GPR107: variants seen among roughly 807,000 people sequenced by gnomAD.
GPR107 encodes the protein protein GPR107.
GPR107 carries 31 observed loss-of-function variants against 75.5 expected under a neutral mutation model. The ratio of observed to expected loss-of-function variants is 0.41; its 90% CI spans 0.31 to 0.55. GPR107 has a LOEUF of 0.55. Among genes scored for constraint, GPR107 ranks in the 20% least tolerant of loss-of-function variants. The pLI, the probability that GPR107 is intolerant of heterozygous loss-of-function variation, is 0.26. For missense variants in GPR107, 572 were observed against 665.7 expected, an observed-to-expected ratio of 0.86 and a Z score of 1.55; for synonymous variants, 267 against 251.3, an observed-to-expected ratio of 1.06 and a Z score of -0.59.
Position 130,106,394 on chromosome 9 carries a change from C to G in GPR107, c.1263-1102C>G, listed in dbSNP as rs371197445. Among the ~76,000 whole-genome samples the G allele has an allele frequency of 3.0e-4, 45 of 151,900 alleles. 1 individual carries two copies. Among genetic ancestry groups the G allele is most frequent in the Middle Eastern group, 3.4e-3 (1 of 294 alleles). ...TGGGCGGATCACGAGGTCAAGAGAT[C>G]GAGACCATCCTGGCCAACATGGCAA... On this transcript the variant is annotated intron_variant, in intron 13 of 17. Coordinates refer to ENST00000347136, the MANE Select transcript of GPR107 (RefSeq NM_020960.5).
At position 130,112,668 on chromosome 9, in the gene GPR107, G is replaced by A. The variant is rs937957020; in HGVS notation, c.1306+5129G>A. On this transcript the variant is annotated intron_variant, in intron 14 of 17. Transcript: ENST00000347136. The surrounding 1 kb of genome is among the most constrained non-coding windows in gnomAD (Gnocchi z 4.0). ...CTGCTGGGCCTGAAGTGTGATGGGT[G>A]TGGCCTTGAGGGAAAGTACGTGTGC... is the stretch of plus-strand genomic sequence containing the variant. 2.6e-5 allele frequency among the ~76,000 whole-genome samples: 4 copies of A among 152,244 alleles called. No individual in the cohort carries two copies. The highest frequency in any genetic ancestry group is 9.6e-5 in the African/African-American group (4 of 41,468).
chr9:130,090,771 A>T (rs1830711207), intron 7 of GPR107, 105 bp from the exon 8 acceptor site: 1 of 539,594 alleles, frequency 1.9e-6, no homozygotes, highest in Non-Finnish European at 3.2e-6. Context: ...AGCTGAGTAG[A>T]ATTTGAACAA....
intron 5 of GPR107, among the ~76,000 whole-genome samples, chr9:130,080,568 T>C (rs1830470021): frequency 1.3e-5 from 2 of 151,996 alleles, no homozygotes; most frequent in African/African-American, 4.8e-5. Context: ...CTCGGCTCAC[T>C]GCAAGCTCCG....
At chr9:130,070,007 TTTTTA>T (rs1217764409) in intron 1 of GPR107, among the ~76,000 whole-genome samples, 7,932 of 36,492 alleles carry the variant, frequency 0.22, 651 homozygotes, top group East Asian at 0.37. Flanking sequence ...TTTTTTTTTT[TTTTTA>T]AATTTTTTTG....
rs563758425 is a variant in GPR107 at position 130,062,719 on chromosome 9, G to A, written c.141+8646G>A. 4.3e-4 allele frequency among the ~76,000 whole-genome samples: 61 copies of A among 141,316 alleles called. 1 individual carries two copies. The South Asian group carries it at 7.2e-3, about 17-fold the overall frequency. 92.7% of individuals were successfully genotyped at this position (141,316 alleles called of 152,430 possible). On this transcript the variant is annotated intron_variant, in intron 1 of 17. Transcript: ENST00000347136. ...CTTCCTTCCGTTTGTCTGTCCATCC[G>A]TCTTTTATTTTTTTTTAAATAAGAG...
Position 130,138,090 on chromosome 9 carries a change from C to T in GPR107, c.*2969C>T, listed in dbSNP as rs1355782402. On this transcript the variant is annotated 3_prime_UTR_variant, in exon 18 of 18. Coordinates refer to ENST00000347136, the MANE Select transcript of GPR107 (RefSeq NM_020960.5). ...AACAGTGAGTGGCCAAGGACTTGAT[C>T]AGCCCATTTCTTGGTCCCTCAGTGC... The T allele has an allele frequency of 6.6e-6, 1 of 152,224 alleles. No homozygotes were observed. The highest frequency in any genetic ancestry group is 1.5e-5 in the Non-Finnish European group (1 of 68,052). 9.4% of individuals were successfully genotyped at this position (152,224 alleles called of 1,614,324 possible).
chr9:130,069,984 C>CTTTTTTTTTTTTTTTTTTTTTT lies in GPR107; in HGVS notation c.142-5646_142-5625dup, dbSNP rs1045979986. Among the ~76,000 whole-genome samples, 14 of 45,422 alleles carry CTTTTTTTTTTTTTTTTTTTTTT rather than the reference C, an allele frequency of 3.1e-4. 1 individual carries two copies. Among genetic ancestry groups the CTTTTTTTTTTTTTTTTTTTTTT allele is most frequent in the African/African-American group, 4.3e-4 (5 of 11,632 alleles). The allele number at this position is 45,422 out of a possible 152,430, so 29.8% of individuals were successfully genotyped here. A position where few individuals can be genotyped will look rare whatever the true frequency, so the allele number is the denominator to read the frequency against. The stretch of plus-strand genomic sequence containing the variant: ...AGGCATAAGCCACCGTGCCTGGCCT[C>CTTTTTTTTTTTTTTTTTTTTTT]TTTTTTTTTTTTTTTTTTTTTTTTT... On this transcript the variant is annotated intron_variant, in intron 1 of 17. Transcript: ENST00000347136.
chr9:130,106,081 G>C (rs1383028002), intron 13 of GPR107, among the ~76,000 whole-genome samples: 6 of 152,144 alleles, frequency 3.9e-5, no homozygotes, highest in Admixed American at 3.9e-4. Context: ...CACCTCATTA[G>C]GGAACAGAGG....
At chr9:130,058,564 A>G (rs1167627193) in intron 1 of GPR107, among the ~76,000 whole-genome samples, 2 of 151,804 alleles carry the variant, frequency 1.3e-5, no homozygotes, top group African/African-American at 2.4e-5. Flanking sequence ...TCCCAGGTTC[A>G]GGCGATTCTC....
intron 14 of GPR107, among the ~76,000 whole-genome samples, chr9:130,118,983 C>G (rs545817368): frequency 1.3e-5 from 2 of 152,344 alleles, no homozygotes; most frequent in East Asian, 3.9e-4. Context: ...ATTTGCTGCT[C>G]CTCATGGTGA....
At chr9:130,062,023 G>A (rs188600315) in intron 1 of GPR107, among the ~76,000 whole-genome samples, 13 of 152,206 alleles carry the variant, frequency 8.5e-5, no homozygotes, top group East Asian at 3.9e-4. Context: ...TTGATTGTTC[G>A]TGTGCCACTC....
At chr9:130,064,897 C>T (rs1830032407) in intron 1 of GPR107, among the ~76,000 whole-genome samples, 1 of 152,010 alleles carries the variant, frequency 6.6e-6, no homozygotes, top group African/African-American at 2.4e-5. Context: ...TTGAAAGAGG[C>T]AAGGAAGGAT....
chr9:130,055,184 T>C (rs1829727741), intron 1 of GPR107, among the ~76,000 whole-genome samples: 2 of 152,334 alleles, frequency 1.3e-5, no homozygotes, highest in East Asian at 3.9e-4. Flanking sequence ...AGTGGAACTG[T>C]AGGCGGGGCG....
intron 14 of GPR107, among the ~76,000 whole-genome samples, chr9:130,117,222 C>T (rs1346624372): frequency 6.6e-6 from 1 of 151,960 alleles, no homozygotes; most frequent in Non-Finnish European, 1.5e-5. Flanking sequence ...GCTGAGATTA[C>T]AGGTGTGAGC....
chr9:130,058,839 A>C (rs1428410524), intron 1 of GPR107, among the ~76,000 whole-genome samples: 1 of 152,066 alleles, frequency 6.6e-6, no homozygotes, highest in South Asian at 2.1e-4. Context: ...TGTGTCAGTA[A>C]TTCATTCCTT....
chr9:130,058,105 A>G (rs1163740162), intron 1 of GPR107, among the ~76,000 whole-genome samples: 3 of 152,324 alleles, frequency 2.0e-5, no homozygotes, highest in African/African-American at 7.2e-5. Context: ...CTGGGATTAC[A>G]GGCGTGAGCC....
intron 6 of GPR107, among the ~76,000 whole-genome samples, chr9:130,086,031 G>A (rs1240792462): frequency 6.6e-6 from 1 of 152,106 alleles, no homozygotes; most frequent in Non-Finnish European, 1.5e-5. Context: ...GATTACAGGC[G>A]TGAGCCACTG....
intron 14 of GPR107, among the ~76,000 whole-genome samples, chr9:130,111,873 C>T (rs941099795): frequency 2.6e-5 from 4 of 152,148 alleles, no homozygotes; most frequent in Admixed American, 6.5e-5. Flanking sequence ...TCCTGTCACG[C>T]GCAGTGGCTT....
At chr9:130,096,719 A>G (rs1012621257) in intron 9 of GPR107, among the ~76,000 whole-genome samples, 2 of 152,016 alleles carry the variant, frequency 1.3e-5, no homozygotes, top group Non-Finnish European at 2.9e-5. Context: ...CGGCCTCCCA[A>G]AGTGCTGGGA....
Sources: allele counts gnomAD v4.1 joint callset (sites outside exome capture counted in the v4.1 genomes callset), GRCh38; gene constraint gnomAD v4.1.1; non-coding constraint Gnocchi (gnomAD v3.1); transcripts MANE v1.5; gene names NCBI Gene and HGNC (gene_info 2026-07-23, HGNC 2026-07-21).